The following TNR variants were observed in gnomAD, a reference collection of about 807,000 sequenced individuals.
TNR encodes tenascin R.
In TNR, 45 loss-of-function variants were observed where a neutral mutation model predicts 150.4. That is an observed-to-expected ratio of 0.30 (90% CI 0.24 to 0.38). The LOEUF is 0.38. Ranked by LOEUF, TNR falls within the 10% of genes least tolerant of loss-of-function variation. The pLI, the probability that TNR is intolerant of heterozygous loss-of-function variation, is 1.00. For synonymous variants in TNR, 687 were observed against 678.4 expected (o/e 1.01, Z -0.20); for missense variants, 1,544 against 1,759.1 (o/e 0.88, Z 2.19).
chr1:175,500,663 A>G (rs979355611), intron 2 of TNR, among the ~76,000 whole-genome samples: 1 of 152,202 alleles, frequency 6.6e-6, no homozygotes, highest in Non-Finnish European at 1.5e-5. Context: ...CTGAAAATAA[A>G]TTAGGAAAAG....
chr1:175,423,865 G>A (rs189246790), intron 2 of TNR, among the ~76,000 whole-genome samples: 14 of 152,270 alleles, frequency 9.2e-5, no homozygotes, highest in Admixed American at 3.9e-4. Context: ...AGGAGAGGAG[G>A]CACTCAACAG....
chr1:175,368,438 C>T (rs772882626), intron 9 of TNR, among the ~76,000 whole-genome samples: 6 of 152,226 alleles, frequency 3.9e-5, no homozygotes, highest in Non-Finnish European at 7.3e-5. Flanking sequence ...GACCTCCCTA[C>T]ATCCACTTAT....
intron 2 of TNR, among the ~76,000 whole-genome samples, chr1:175,449,253 C>A (rs910456041): frequency 3.3e-5 from 5 of 152,214 alleles, no homozygotes; most frequent in African/African-American, 4.8e-5. Context: ...CTCTGCTCCT[C>A]CTTTGTTCTC....
intron 1 of TNR, among the ~76,000 whole-genome samples, chr1:175,647,790 C>T (rs1664850729): frequency 6.6e-6 from 1 of 152,062 alleles, no homozygotes; most frequent in Admixed American, 6.5e-5. Context: ...AATAAGAAGA[C>T]CCAAAATAAC....
At position 175,606,639 on chromosome 1, in the gene TNR, C is replaced by T. The variant is rs115911882; in HGVS notation, c.-164-78270G>A. 7.2e-3 allele frequency among the ~76,000 whole-genome samples: 1,089 copies of T among 152,226 alleles called. 5 individuals carry two copies. Among genetic ancestry groups the T allele is most frequent in the Non-Finnish European group, 0.011 (719 of 67,996 alleles). On this transcript the variant is annotated intron_variant, in intron 1 of 22. Transcript: ENST00000367674. ...ACATGACTTATGGATGGGCTGCAGA[C>T]CCTTGTCCAGAGCAGCTCTGTTGAT...
chr1:175,524,765 A>G (rs859357), intron 2 of TNR, among the ~76,000 whole-genome samples: 28,415 of 152,220 alleles, frequency 0.19, 2,885 homozygotes, highest in African/African-American at 0.25. Flanking sequence ...ATGCCATTAC[A>G]TTTTGCACAT....
At chr1:175,341,271 C>A (rs1291357067) in intron 18 of TNR, among the ~76,000 whole-genome samples, 2 of 152,130 alleles carry the variant, frequency 1.3e-5, no homozygotes, top group African/African-American at 4.8e-5. Context: ...ATCTTAAGAC[C>A]AAGAGCAAAA....
chr1:175,680,099 G>C (rs1264089259), intron 1 of TNR, among the ~76,000 whole-genome samples: 4 of 152,210 alleles, frequency 2.6e-5, no homozygotes, highest in African/African-American at 7.2e-5. Context: ...TGCTCCATCT[G>C]TATGCAGGGC....
intron 2 of TNR, among the ~76,000 whole-genome samples, chr1:175,481,259 T>A (rs1162295669): frequency 6.6e-6 from 1 of 152,226 alleles, no homozygotes; most frequent in African/African-American, 2.4e-5. Context: ...AATGAATGAA[T>A]GTGAATTATC....
chr1:175,516,528 G>A (rs912473499), intron 2 of TNR, among the ~76,000 whole-genome samples: 1 of 152,126 alleles, frequency 6.6e-6, no homozygotes, highest in Non-Finnish European at 1.5e-5. Context: ...TCATGATATC[G>A]CTCCCTGACA....
chr1:175,359,675 G>A lies in TNR; in HGVS notation c.2911C>T (p.Leu971=), dbSNP rs1396814891. The A allele has an allele frequency of 1.9e-6, 3 of 1,613,940 alleles. No individual in the cohort carries two copies. The highest frequency in any genetic ancestry group is 2.7e-5 in the African/African-American group (2 of 75,036). ...TCACCCACTGGTGCCTTCCACTGCA[G>A]CAGGGCTTCTGTTGGAGTGATATTG... is the stretch of plus-strand genomic sequence containing the variant. ...ATNITPTEAL[L]QWKAPVGEVE... The change falls in exon 15 of 23, where the codon CTG becomes TTG. Residue 971 remains leucine (L), a synonymous_variant. Coordinates refer to ENST00000367674, the MANE Select transcript of TNR (RefSeq NM_003285.3).
chr1:175,673,067 G>A (rs1000708598), intron 1 of TNR, among the ~76,000 whole-genome samples: 9 of 152,134 alleles, frequency 5.9e-5, no homozygotes, highest in African/African-American at 2.2e-4. Context: ...CCCAAAGCAG[G>A]TGCATCTGCA....
intron 2 of TNR, among the ~76,000 whole-genome samples, chr1:175,430,292 G>A (rs1655206006): frequency 6.6e-6 from 1 of 152,118 alleles, no homozygotes; most frequent in African/African-American, 2.4e-5. Context: ...CATAGTAATA[G>A]TAAAAGTGAG....
In TNR at chr1:175,502,690, A is replaced by G. The variant is rs535130062; in HGVS notation, c.-64+25579T>C. 2.3e-4 allele frequency among the ~76,000 whole-genome samples: 35 copies of G among 152,308 alleles called. No homozygotes were observed. The South Asian group carries it at 7.1e-3, about 31-fold the overall frequency. ...TTTCCAGGAAAACCAGTCTAAAGCA[A>G]TGAATAAGAGTTAGCACAATAAAGA... On this transcript the variant is annotated intron_variant, in intron 2 of 22. Coordinates refer to ENST00000367674, the MANE Select transcript of TNR (RefSeq NM_003285.3).
At chr1:175,401,187 G>A (rs1216665177) in intron 4 of TNR, among the ~76,000 whole-genome samples, 1 of 152,218 alleles carries the variant, frequency 6.6e-6, no homozygotes, top group Non-Finnish European at 1.5e-5. Context: ...GTAAGTCCTG[G>A]ATTAGATCAA....
At chr1:175,377,544 C>G (rs1652467215) in intron 9 of TNR, among the ~76,000 whole-genome samples, 1 of 149,326 alleles carries the variant, frequency 6.7e-6, no homozygotes, top group East Asian at 2.0e-4. Flanking sequence ...CTGGTCTATC[C>G]TTTCTCTGCT....
intron 2 of TNR, among the ~76,000 whole-genome samples, chr1:175,442,659 C>T (rs1655849315): frequency 6.6e-6 from 1 of 151,758 alleles, no homozygotes; most frequent in South Asian, 2.1e-4. Flanking sequence ...CCCTGGCATG[C>T]TTCAGCCATT....
intron 2 of TNR, among the ~76,000 whole-genome samples, chr1:175,448,779 T>C (rs1305276203): frequency 2.0e-5 from 3 of 152,202 alleles, no homozygotes; most frequent in Non-Finnish European, 4.4e-5. Flanking sequence ...AAACCTGTGG[T>C]ATAGGACTTA....
chr1:175,708,163 A>G (rs1666895294), intron 1 of TNR, among the ~76,000 whole-genome samples: 1 of 152,178 alleles, frequency 6.6e-6, no homozygotes, highest in South Asian at 2.1e-4. Flanking sequence ...AGTAACATAG[A>G]AAGCCCAATT....
Sources: allele counts gnomAD v4.1 joint callset (sites outside exome capture counted in the v4.1 genomes callset), GRCh38; gene constraint gnomAD v4.1.1; transcripts MANE v1.5; gene names NCBI Gene and HGNC (gene_info 2026-07-23, HGNC 2026-07-21).